Variants in ABCB1 observed in about 807,000 individuals in gnomAD.
ABCB1 encodes ATP binding cassette subfamily B member 1.
A neutral mutation model predicts 142.0 loss-of-function variants in ABCB1; 69 were observed. That is an observed-to-expected ratio of 0.49 (90% CI 0.40 to 0.59). ABCB1 has a LOEUF of 0.59. ABCB1 is among the 20% of genes least tolerant of loss of function. ABCB1 has a pLI of 0.00. For missense variants in ABCB1, 1,326 were observed against 1,554.7 expected (o/e 0.85, Z 2.47); for synonymous variants, 532 against 539.2 (o/e 0.99, Z 0.18).
chr7:87,594,579 T>G (rs1483636039), intron 3 of ABCB1, among the ~76,000 whole-genome samples: 4 of 152,154 alleles, frequency 2.6e-5, no homozygotes, highest in African/African-American at 7.2e-5. Context: ...TAAATACAAC[T>G]TTAACCTAAA....
At chr7:87,549,828 G>A in intron 13 of ABCB1, 23 bp downstream of exon 13, 1 of 1,613,306 alleles carries the variant, frequency 6.2e-7, no homozygotes, top group Non-Finnish European at 8.5e-7. Flanking sequence ...CCTCTAGAAA[G>A]GCAAAGGGCA....
chr7:87,709,898 A>C (rs1563152475), intron 1 of ABCB1, among the ~76,000 whole-genome samples: 1 of 152,212 alleles, frequency 6.6e-6, no homozygotes, highest in Non-Finnish European at 1.5e-5. Flanking sequence ...GTCCGTAAGA[A>C]AATTAATTAC....
Position 87,520,479 on chromosome 7 carries a change from T to C in ABCB1, c.2786+297A>G, listed in dbSNP as rs937866867. 2.6e-5 allele frequency among the ~76,000 whole-genome samples: 4 copies of C among 152,164 alleles called. No homozygotes were observed. In the South Asian group the frequency reaches 8.3e-4, roughly 32 times the overall value. ...GTTCCATAAATAACTCATTTTCAAC[T>C]AGAGCAAATTATAGGGTCATATCCT... On this transcript the variant is annotated intron_variant, in intron 22 of 27. Coordinates refer to ENST00000622132, the MANE Select transcript of ABCB1 (RefSeq NM_001348946.2).
chr7:87,594,968 C>G (rs1308886239), intron 3 of ABCB1, among the ~76,000 whole-genome samples: 1 of 152,100 alleles, frequency 6.6e-6, no homozygotes, highest in Non-Finnish European at 1.5e-5. Context: ...AGGTTCTAAT[C>G]TCTGGAATCT....
chr7:87,516,445 T>C (rs1185553483), intron 24 of ABCB1, 64 bp downstream of exon 24: 1 of 1,593,274 alleles, frequency 6.3e-7, no homozygotes, highest in Non-Finnish European at 8.6e-7. Context: ...TTATTAAGTT[T>C]CCACTTAAAA....
At chr7:87,711,331 A>AAT (rs1041027773) in intron 1 of ABCB1, among the ~76,000 whole-genome samples, 172 of 151,620 alleles carry the variant, frequency 1.1e-3, no homozygotes, top group African/African-American at 3.6e-3. Context: ...TGTCTCAAAA[A>AAT]ATATATATAT....
intron 1 of ABCB1, among the ~76,000 whole-genome samples, chr7:87,617,223 G>T (rs1225478636): frequency 6.6e-6 from 1 of 152,152 alleles, no homozygotes; most frequent in Admixed American, 6.5e-5. Flanking sequence ...GCATAACCAG[G>T]CAATCTTATA....
intron 1 of ABCB1, among the ~76,000 whole-genome samples, chr7:87,626,178 CATAT>C (rs1218189677): frequency 3.3e-5 from 4 of 123,042 alleles, no homozygotes; most frequent in Non-Finnish European, 6.9e-5. Context: ...TATATATTGT[CATAT>C]ATATGTGTCA....
chr7:87,507,561 G>A (rs1036330234), intron 26 of ABCB1, among the ~76,000 whole-genome samples: 14 of 152,178 alleles, frequency 9.2e-5, no homozygotes, highest in Middle Eastern at 3.2e-3. Flanking sequence ...TGAAAGGAGA[G>A]TGGGAGACAA....
At chr7:87,544,036 G>T in intron 17 of ABCB1, 93 bp downstream of exon 17, 2 of 1,483,760 alleles carry the variant, frequency 1.3e-6, no homozygotes, top group Non-Finnish European at 1.9e-6. Context: ...GGATTTTGTT[G>T]TTTTTGTATC....
intron 1 of ABCB1, among the ~76,000 whole-genome samples, chr7:87,618,341 T>G (rs1185670006): frequency 6.6e-6 from 1 of 152,184 alleles, no homozygotes; most frequent in Non-Finnish European, 1.5e-5. Context: ...ACCCACAGTA[T>G]AGCATAGTGT....
chr7:87,619,764 G>GTA (rs57670669), intron 1 of ABCB1, among the ~76,000 whole-genome samples: 3,501 of 147,316 alleles, frequency 0.024, 119 homozygotes, highest in African/African-American at 0.078. Context: ...GTGTGTGTGT[G>GTA]TATATATATA....
chr7:87,694,340 T>A (rs937619204), intron 1 of ABCB1, among the ~76,000 whole-genome samples: 3 of 152,146 alleles, frequency 2.0e-5, no homozygotes, highest in Admixed American at 1.3e-4. Context: ...GGAATGTACT[T>A]CTTAGTTTCC....
chr7:87,509,625 G>T, intron 25 of ABCB1, 144 bp from the exon 26 acceptor site: 1 of 840,442 alleles, frequency 1.2e-6, no homozygotes, highest in Non-Finnish European at 1.9e-6. Flanking sequence ...GGATAGTGAA[G>T]GTTAACCCAA....
chr7:87,656,194 C>T (rs1824082853), intron 1 of ABCB1, among the ~76,000 whole-genome samples: 1 of 151,812 alleles, frequency 6.6e-6, no homozygotes, highest in Non-Finnish European at 1.5e-5. Flanking sequence ...TTAGCCATTC[C>T]ATGATATATA....
chr7:87,657,098 G>A (rs1388647357), intron 1 of ABCB1, among the ~76,000 whole-genome samples: 1 of 152,056 alleles, frequency 6.6e-6, no homozygotes, highest in Admixed American at 6.6e-5. Context: ...TAAACCCTGG[G>A]CATTATACAT....
At chr7:87,603,306 G>C (rs559573529), upstream of ABCB1, among the ~76,000 whole-genome samples, 5 of 152,250 alleles carry the variant, frequency 3.3e-5, no homozygotes, top group Non-Finnish European at 7.4e-5. Flanking sequence ...TACAATAAAA[G>C]ACACTGAGGT....
chr7:87,570,794 T>C (rs1007786661), intron 4 of ABCB1, among the ~76,000 whole-genome samples: 2 of 152,030 alleles, frequency 1.3e-5, no homozygotes. Context: ...CAGACACATA[T>C]ACACACACGA....
At chr7:87,576,631 G>T (rs1420090535) in intron 4 of ABCB1, among the ~76,000 whole-genome samples, 1 of 151,628 alleles carries the variant, frequency 6.6e-6, no homozygotes, top group African/African-American at 2.4e-5. Flanking sequence ...AAGGCTTGGG[G>T]CTCCCATTCT....
Sources: gnomAD v4.1 joint callset for allele counts (sites outside exome capture counted in the v4.1 genomes callset) on GRCh38, gnomAD v4.1.1 for gene constraint, MANE v1.5 for transcripts, NCBI Gene and HGNC (gene_info 2026-07-23, HGNC 2026-07-21) for gene names.